The following ULK1 variants were observed in gnomAD, a reference collection of about 807,000 sequenced individuals.
ULK1 encodes unc-51 like autophagy activating kinase 1.
Under a neutral mutation model 117.5 loss-of-function variants are expected in ULK1, and 48 were observed. The observed-to-expected ratio is 0.41, with a 90% CI of 0.32 to 0.52. The LOEUF (loss-of-function observed/expected upper bound fraction) is 0.52, where lower values mean the gene tolerates loss of function less well. Among genes scored for constraint, ULK1 ranks in the 20% least tolerant of loss-of-function variants. The pLI is 0.29. For synonymous variants in ULK1, 790 were observed against 637.8 expected (o/e 1.24, Z -3.60); for missense variants, 1,387 against 1,473.4 (o/e 0.94, Z 0.96).
chr12:131,895,540 G>C, intron 1 of ULK1, 61 bp from the exon 2 acceptor site: 1 of 1,426,044 alleles, frequency 7.0e-7, no homozygotes, highest in Non-Finnish European at 9.8e-7. Context: ...GTGTGGACTG[G>C]GGTCTGGGGG....
chr12:131,914,520 T>G lies in ULK1; in HGVS notation c.1373+43T>G, dbSNP rs12303764. The G allele has an allele frequency of 0.34, 538,479 of 1,588,298 alleles. 95,901 individuals carry two copies. The highest frequency in any genetic ancestry group is 0.37 in the Non-Finnish European group (434,942 of 1,164,472). On this transcript the variant is annotated intron_variant, in intron 16 of 27. Coordinates refer to ENST00000321867, the MANE Select transcript of ULK1 (RefSeq NM_003565.4). ...AGGTAGCCAGGCGTGGCTGGGGCCTTGTGTGGCAGGAGCCCTTCCACGGCT... is the reference window on the plus strand; with the variant it reads ...AGGTAGCCAGGCGTGGCTGGGGCCTGGTGTGGCAGGAGCCCTTCCACGGCT...
rs1419064131 is a variant in ULK1, at chr12:131,910,897, TTGTC to T, written c.948+101_948+104del. The stretch of plus-strand genomic sequence containing the variant: ...CCGCGGGGACGTGCTGTGACTTCTG[TTGTC>T]TGTGTGAGTCACGAAAGACATGGAT... On this transcript the variant is annotated intron_variant, in intron 12 of 27. Coordinates refer to ENST00000321867, the MANE Select transcript of ULK1 (RefSeq NM_003565.4). The T allele has an allele frequency of 1.9e-6, 3 of 1,547,882 alleles. No individual in the cohort carries two copies. The African/African-American group carries it at 4.1e-5, about 21-fold the overall frequency.
At chr12:131,900,404 G>T (rs2136379955) in intron 3 of ULK1, among the ~76,000 whole-genome samples, 1 of 152,356 alleles carries the variant, frequency 6.6e-6, no homozygotes, top group African/African-American at 2.4e-5. Flanking sequence ...TGCCTGGGAA[G>T]TGTGTGCCTT....
In ULK1 at chr12:131,920,141, G is replaced by A. The variant is rs1890085801; in HGVS notation, c.2961+5G>A. 4 of 1,610,042 alleles carry A rather than the reference G, an allele frequency of 2.5e-6. No individual in the cohort carries two copies. Among genetic ancestry groups the A allele is most frequent in the Non-Finnish European group, 2.5e-6 (3 of 1,177,738 alleles). On this transcript the variant is annotated splice_donor_5th_base_variant and intron_variant, in intron 26 of 27. Transcript: ENST00000321867. Reference sequence around the variant, plus strand: ...TTCAGCCACGCTGTGCAGATGGTACGGGACAGACAGACACCAGTGGGGCAG... The same window carrying A: ...TTCAGCCACGCTGTGCAGATGGTACAGGACAGACAGACACCAGTGGGGCAG...
rs778690920 is a variant in ULK1, at chr12:131,921,355, T to C, written c.3147T>C (p.Cys1049=). The C allele has an allele frequency of 1.2e-5, 19 of 1,603,862 alleles. No homozygotes were observed. The East Asian group carries it at 4.2e-4, about 36-fold the overall frequency. The part of the protein sequence containing the change: ...RRLSALLTGI[C]A ...TCTCGGCGCTGCTGACTGGCATCTG[T>C]GCCTGACCTTTCTGGCCTGGCTGGG... Residue 1049 remains cysteine (C), a synonymous_variant, in exon 28 of 28, where the codon TGT becomes TGC. Transcript: ENST00000321867.
rs769543958 is a variant in ULK1, at chr12:131,921,221, A to T, written c.3083A>T (p.Glu1028Val). ...ATGCTCTCGGACCAGGCCGACATCG[A>T]GAACGTCACCAAGTGTGAGTGCCCG... is the stretch of plus-strand genomic sequence containing the variant. Reference protein sequence around the residue: ...QHMLSDQADIENVTKCKLCIE... With the variant: ...QHMLSDQADIVNVTKCKLCIE... The change falls in exon 27 of 28, where the codon GAG becomes GTG. Residue 1028 changes from glutamate (E) to valine (V), a missense_variant. Glu to Val is a moderately radical substitution (Grantham distance 121). This residue lies in a region of ULK1 where 900 missense variants were observed against 858.9 expected (regional missense o/e 1.05). Transcript: ENST00000321867. 1.8e-5 allele frequency: 29 copies of T among 1,607,430 alleles called. No individual in the cohort carries two copies. In the Admixed American group the frequency reaches 4.8e-4, roughly 27 times the overall value.
chr12:131,921,015 G>T, intron 26 of ULK1, 85 bp from the exon 27 acceptor site: 2 of 1,469,696 alleles, frequency 1.4e-6, no homozygotes, highest in South Asian at 1.3e-5. Context: ...TGCCACCCCT[G>T]GGCCGCTGCC....
Position 131,917,062 on chromosome 12 carries a change from G to C in ULK1, c.2182G>C (p.Ala728Pro), listed in dbSNP as rs770211909. ...ESLQEKPMEIAPSAGFGGSLH... is the reference protein window; with the variant it reads ...ESLQEKPMEIPPSAGFGGSLH... ...CCTGCAGGAGAAGCCCATGGAGATC[G>C]GTGTGTGGGTGGGTGGGGCTCGGAG... The change falls in exon 21 of 28, where the codon GCA becomes CCA. Residue 728 changes from alanine to proline, a missense_variant and splice_region_variant. Ala to Pro is a conservative substitution (Grantham distance 27). Transcript: ENST00000321867. 1 of 1,520,880 alleles carries C rather than the reference G, an allele frequency of 6.6e-7. No individual in the cohort carries two copies. Among genetic ancestry groups the C allele is most frequent in the Non-Finnish European group, 8.9e-7 (1 of 1,123,386 alleles). 94.2% of individuals were successfully genotyped at this position (1,520,880 alleles called of 1,614,324 possible). A position where few individuals can be genotyped will look rare whatever the true frequency, so the allele number is the denominator to read the frequency against.
Position 131,914,385 on chromosome 12 carries a change from C to T in ULK1, c.1281C>T (p.Gly427=), listed in dbSNP as rs527294308. The T allele has an allele frequency of 6.3e-5, 102 of 1,612,292 alleles. No individual in the cohort carries two copies. The highest frequency in any genetic ancestry group is 5.8e-4 in the South Asian group (53 of 91,084). Residue 427 remains glycine (G), a synonymous_variant, in exon 16 of 28, where the codon GGC becomes GGT. Coordinates refer to ENST00000321867, the MANE Select transcript of ULK1 (RefSeq NM_003565.4). ...RAGPFSSSRC[G]ASVPIPVPTQ... ...GCCCGTTCTCCAGCAGCAGGTGCGG[C>T]GCCTCTGTCCCCATCCCAGTCCCCA...
chr12:131,910,385 G>T, intron 11 of ULK1, 81 bp downstream of exon 11: 1 of 1,578,672 alleles, frequency 6.3e-7, no homozygotes, highest in Non-Finnish European at 8.7e-7. Flanking sequence ...GGCACTGAGT[G>T]TGGGGCAGAG....
chr12:131,903,246 C>T lies in ULK1; in HGVS notation c.247-3646C>T, dbSNP rs1294402048. Among the ~76,000 whole-genome samples, 1 of 152,202 alleles carries T rather than the reference C, an allele frequency of 6.6e-6. No individual in the cohort carries two copies. The highest frequency in any genetic ancestry group is 1.5e-5 in the Non-Finnish European group (1 of 68,028). ...GTGGTCCTGGGCTTGTTTGTCCTCA[C>T]TTCTCATCCCTGACTCTGCCAGGGT... On this transcript the variant is annotated intron_variant, in intron 3 of 27. Coordinates refer to ENST00000321867, the MANE Select transcript of ULK1 (RefSeq NM_003565.4). The surrounding 1 kb of genome is among the most constrained non-coding windows in gnomAD (Gnocchi z 6.0).
chr12:131,900,773 A>T (rs1440867409), intron 3 of ULK1, among the ~76,000 whole-genome samples: 1 of 152,206 alleles, frequency 6.6e-6, no homozygotes, highest in Non-Finnish European at 1.5e-5. Flanking sequence ...CTGAGTCAAG[A>T]GGTGTCCAGC....
chr12:131,911,138 T>C (rs1009772448), intron 12 of ULK1, among the ~76,000 whole-genome samples: 1 of 152,112 alleles, frequency 6.6e-6, no homozygotes, highest in Non-Finnish European at 1.5e-5. Flanking sequence ...ACTCAAAGCA[T>C]GAGTAGGGTT....
In ULK1 at chr12:131,916,178, T is replaced by C; in HGVS notation, c.1878+19T>C. On this transcript the variant is annotated intron_variant, in intron 19 of 27. Transcript: ENST00000321867. ...CACCAAGGTAATGGGCACTGCCATG[T>C]GTGCAGGGGCACAGAGCCCTGGGGA... 1 of 1,604,278 alleles carries C rather than the reference T, an allele frequency of 6.2e-7. No homozygotes were observed. The highest frequency in any genetic ancestry group is 1.1e-5 in the South Asian group (1 of 90,556).
At chr12:131,918,240 G>A in intron 22 of ULK1, 1 of 557,154 alleles carries the variant, frequency 1.8e-6, no homozygotes, top group Non-Finnish European at 3.2e-6. Flanking sequence ...GGGATACCCA[G>A]AGGGTCCCTT....
At chr12:131,915,804 T>C in intron 18 of ULK1, 87 bp from the exon 19 acceptor site, 3 of 1,543,150 alleles carry the variant, frequency 1.9e-6, no homozygotes, top group Non-Finnish European at 1.7e-6. Context: ...GGAGTGCGTC[T>C]ACCCCAAGGG....
In ULK1 at chr12:131,921,386, C is replaced by G. The variant is rs560655718; in HGVS notation, c.*25C>G. ...ACCTTTCTGGCCTGGCTGGGCCCCCCGTCCTGCCGAGCCCTGCAGAGTGGG... is the reference window on the plus strand; with the variant it reads ...ACCTTTCTGGCCTGGCTGGGCCCCCGGTCCTGCCGAGCCCTGCAGAGTGGG... On this transcript the variant is annotated 3_prime_UTR_variant, in exon 28 of 28. Transcript: ENST00000321867. The G allele has an allele frequency of 2.5e-6, 4 of 1,600,674 alleles. No individual in the cohort carries two copies. Among genetic ancestry groups the G allele is most frequent in the African/African-American group, 1.3e-5 (1 of 74,930 alleles).
intron 3 of ULK1, among the ~76,000 whole-genome samples, chr12:131,896,283 C>T (rs991850821): frequency 5.3e-5 from 8 of 152,150 alleles, no homozygotes; most frequent in African/African-American, 1.9e-4. Flanking sequence ...CAGTCAGGGC[C>T]GGGCCGGGGC....
At position 131,916,495 on chromosome 12, in the gene ULK1, G is replaced by A. The variant is rs377611474; in HGVS notation, c.1976G>A (p.Arg659Gln). The A allele has an allele frequency of 2.0e-5, 32 of 1,611,946 alleles. No homozygotes were observed. Among genetic ancestry groups the A allele is most frequent in the Middle Eastern group, 1.6e-4 (1 of 6,076 alleles). The change falls in exon 20 of 28, where the codon CGG (arginine) becomes CAG (glutamine). Residue 659 changes from arginine (R) to glutamine (Q), a missense_variant. By Grantham distance (43) the Arg-to-Gln change is conservative. Around this residue, in one of 4 missense-constraint regions of ULK1, gnomAD observed 900 missense variants for 858.9 expected, o/e 1.05. Coordinates refer to ENST00000321867, the MANE Select transcript of ULK1 (RefSeq NM_003565.4). ...QGVVMTPPRN[R>Q]TLPDLSEVGP... ...GTGGTGATGACGCCCCCTCGAAACC[G>A]GACGCTGCCCGACCTCTCGGAGGTG...
Sources: gnomAD v4.1 joint callset for allele counts (sites outside exome capture counted in the v4.1 genomes callset) on GRCh38, gnomAD v4.1.1 for gene constraint, gnomAD v4.1.1 regional missense constraint, Gnocchi (gnomAD v3.1) non-coding constraint, MANE v1.5 for transcripts, NCBI Gene and HGNC (gene_info 2026-07-23, HGNC 2026-07-21) for gene names.